ENPP1: variants seen among roughly 807,000 people sequenced by gnomAD.
The protein encoded by ENPP1 is ectonucleotide pyrophosphatase/phosphodiesterase 1.
A neutral mutation model predicts 122.8 loss-of-function variants in ENPP1; 73 were observed. The observed-to-expected ratio is 0.59, with a 90% CI of 0.49 to 0.72. The LOEUF (loss-of-function observed/expected upper bound fraction) is 0.72. Among genes scored for constraint, ENPP1 ranks in the 30% least tolerant of loss-of-function variants. ENPP1 has a pLI of 0.00. For missense variants in ENPP1, 978 were observed against 1,128.1 expected (o/e 0.87, Z 1.91); for synonymous variants, 367 against 391.6 (o/e 0.94, Z 0.74).
intron 5 of ENPP1, among the ~76,000 whole-genome samples, chr6:131,853,441 G>A (rs957272389): frequency 3.3e-5 from 5 of 152,242 alleles, no homozygotes; most frequent in East Asian, 1.9e-4. Flanking sequence ...CAAGAAGATT[G>A]TAACTTAGGA....
intron 21 of ENPP1, 137 bp downstream of exon 21, chr6:131,882,611 A>G: frequency 5.6e-6 from 1 of 180,114 alleles, no homozygotes; most frequent in Non-Finnish European, 1.1e-5. Context: ...TTATATATAT[A>G]TTATATATAT....
intron 22 of ENPP1, among the ~76,000 whole-genome samples, 195 bp from the exon 23 acceptor site, chr6:131,884,736 C>T: frequency 6.6e-6 from 1 of 152,174 alleles, no homozygotes; most frequent in East Asian, 1.9e-4. Flanking sequence ...GATTGTGCCA[C>T]TGCACTCCAG....
At chr6:131,883,267 C>T (rs1782335437) in intron 21 of ENPP1, among the ~76,000 whole-genome samples, 1 of 152,120 alleles carries the variant, frequency 6.6e-6, no homozygotes, top group South Asian at 2.1e-4. Flanking sequence ...TACAGAGAAG[C>T]CTTGTATGGT....
chr6:131,881,911 C>T (rs1046669008), intron 20 of ENPP1, among the ~76,000 whole-genome samples: 33 of 152,018 alleles, frequency 2.2e-4, no homozygotes, highest in African/African-American at 5.8e-4. Context: ...CCCAGCTACT[C>T]GGGAAGCTGA....
chr6:131,893,949 C>CTTTTTTTT lies in ENPP1; in HGVS notation c.*3461_*3468dup, dbSNP rs564304453. ...GTGAAACCTTTATTTATCTTGATTT[C>CTTTTTTTT]TTTTTTTTTTTTTTTTTTTTTTTTT... On this transcript the variant is annotated 3_prime_UTR_variant, in exon 25 of 25. Transcript: ENST00000647893. 4.4e-3 allele frequency: 265 copies of CTTTTTTTT among 59,556 alleles called. 4 individuals are homozygous for CTTTTTTTT. The highest frequency in any genetic ancestry group is 0.015 in the Middle Eastern group (1 of 68). The allele number at this position is 59,556 out of a possible 1,614,324, so 3.7% of individuals were successfully genotyped here.
chr6:131,837,071 T>G (rs1273554015), intron 1 of ENPP1, among the ~76,000 whole-genome samples: 2 of 152,100 alleles, frequency 1.3e-5, no homozygotes, highest in African/African-American at 4.8e-5. Context: ...GCCTACTGAT[T>G]GCTTCTTGTC....
chr6:131,852,037 C>T, intron 4 of ENPP1, 138 bp from the exon 5 acceptor site: 1 of 641,666 alleles, frequency 1.6e-6, no homozygotes, highest in Non-Finnish European at 2.8e-6. Flanking sequence ...GATTATACAC[C>T]TCCAGAGTCA....
chr6:131,862,510 G>A (rs1025438178), intron 9 of ENPP1, among the ~76,000 whole-genome samples: 1 of 152,206 alleles, frequency 6.6e-6, no homozygotes, highest in Non-Finnish European at 1.5e-5. Context: ...GTCTCCCCGA[G>A]CATTTTGGGA....
At chr6:131,851,569 A>T (rs1416219067) in intron 4 of ENPP1, 5 of 396,038 alleles carry the variant, frequency 1.3e-5, no homozygotes, top group Non-Finnish European at 2.4e-5. Flanking sequence ...TATTTTGATA[A>T]TAGCAGCACA....
intron 19 of ENPP1, among the ~76,000 whole-genome samples, chr6:131,879,663 T>G (rs931889361): frequency 6.6e-6 from 1 of 152,202 alleles, no homozygotes; most frequent in Non-Finnish European, 1.5e-5. Flanking sequence ...TATCTTGATA[T>G]TACATTGATT....
chr6:131,866,815 A>C (rs1782097458), intron 11 of ENPP1, among the ~76,000 whole-genome samples: 1 of 152,168 alleles, frequency 6.6e-6, no homozygotes, highest in African/African-American at 2.4e-5. Flanking sequence ...CAAAGGGAAA[A>C]GTTTCTTGTA....
At chr6:131,844,002 C>CCT (rs1264642590) in intron 1 of ENPP1, among the ~76,000 whole-genome samples, 1 of 152,070 alleles carries the variant, frequency 6.6e-6, no homozygotes, top group African/African-American at 2.4e-5. Context: ...TGTATATCTT[C>CCT]CTCTCAGCCT....
At chr6:131,873,117 C>T (rs1048412558) in intron 15 of ENPP1, 67 bp downstream of exon 15, 1 of 1,518,346 alleles carries the variant, frequency 6.6e-7, no homozygotes, top group Non-Finnish European at 9.1e-7. Context: ...AACCATTGGG[C>T]CCTTTCTAAC....
intron 20 of ENPP1, among the ~76,000 whole-genome samples, chr6:131,880,390 C>T (rs1782288209): frequency 2.0e-5 from 3 of 151,870 alleles, no homozygotes; most frequent in Admixed American, 2.0e-4. Flanking sequence ...GGTGAAACTC[C>T]ATCTCTACTA....
rs866963973 is a variant in ENPP1, at chr6:131,869,265, G to A, written c.1274-93G>A. 12 of 1,281,092 alleles carry A rather than the reference G, an allele frequency of 9.4e-6. No individual in the cohort carries two copies. In the African/African-American group the frequency reaches 1.0e-4, roughly 11 times the overall value. The allele number at this position is 1,281,092 out of a possible 1,614,324, so 79.4% of individuals were successfully genotyped here. ...TATGAGTGCTACACCCATGTTTAAC[G>A]AATTTAACCTTGGAAGTGAAAGAAG... is the stretch of plus-strand genomic sequence containing the variant. On this transcript the variant is annotated intron_variant, in intron 12 of 24. Coordinates refer to ENST00000647893, the MANE Select transcript of ENPP1 (RefSeq NM_006208.3).
At chr6:131,808,424 C>A in intron 1 of ENPP1, 149 bp downstream of exon 1, 1 of 1,100,940 alleles carries the variant, frequency 9.1e-7, no homozygotes, top group Non-Finnish European at 1.2e-6. Flanking sequence ...CTCTCCTCCG[C>A]AGCCTTTGCA....
chr6:131,858,692 A>C lies in ENPP1; in HGVS notation c.740A>C (p.Asn247Thr). 1 of 1,610,698 alleles carries C rather than the reference A, an allele frequency of 6.2e-7. No individual in the cohort carries two copies. The highest frequency in any genetic ancestry group is 8.5e-7 in the Non-Finnish European group (1 of 1,177,024). Reference sequence around the variant, plus strand: ...GAAAAATGTGGAACATATACTAAAAACATGAGACCGGTATATCCAACAAAA... The same window carrying C: ...GAAAAATGTGGAACATATACTAAAACCATGAGACCGGTATATCCAACAAAA... ...KLKKCGTYTK[N>T]MRPVYPTKTF... The change falls in exon 7 of 25, where the codon AAC becomes ACC. Residue 247 changes from asparagine (N) to threonine (T), a missense_variant. By Grantham distance (65) the Asn-to-Thr change is moderately conservative. This residue lies in a region of ENPP1 where 330 missense variants were observed against 328.5 expected (regional missense o/e 1.00). Coordinates refer to ENST00000647893, the MANE Select transcript of ENPP1 (RefSeq NM_006208.3).
rs1379558249 is a variant in ENPP1 at position 131,860,482 on chromosome 6, T to C, written c.891T>C (p.Asn297=). 4 of 1,598,860 alleles carry C rather than the reference T, an allele frequency of 2.5e-6. No homozygotes were observed. The highest frequency in any genetic ancestry group is 3.4e-6 in the Non-Finnish European group (4 of 1,167,076). The change falls in exon 8 of 25, where the codon AAT becomes AAC. Residue 297 remains asparagine, a synonymous_variant. Coordinates refer to ENST00000647893, the MANE Select transcript of ENPP1 (RefSeq NM_006208.3). ...SFSLKSKEKF[N]PEWYKGEPIW... ...CACTTAAAAGTAAAGAGAAATTTAA[T>C]CCTGAGTGGTACAAAGGAGAACCAG...
intron 21 of ENPP1, among the ~76,000 whole-genome samples, chr6:131,882,739 T>C (rs766132067): frequency 6.6e-6 from 1 of 150,626 alleles, no homozygotes; most frequent in Non-Finnish European, 1.5e-5. Flanking sequence ...GGGAAAAATT[T>C]TAATCATCTA....
Sources: allele counts gnomAD v4.1 joint callset (sites outside exome capture counted in the v4.1 genomes callset), GRCh38; gene constraint gnomAD v4.1.1; regional missense constraint gnomAD v4.1.1; transcripts MANE v1.5; gene names NCBI Gene and HGNC (gene_info 2026-07-23, HGNC 2026-07-21).